The following TRMT9B variants were observed in gnomAD, a reference collection of about 807,000 sequenced individuals.
TRMT9B encodes the protein tRNA methyltransferase 9B (putative).
In TRMT9B, 16 loss-of-function variants were observed where a neutral mutation model predicts 11.5. The observed-to-expected ratio is 1.39, with a 90% CI of 0.94 to 2.11. The LOEUF (loss-of-function observed/expected upper bound fraction) is 2.11, where lower values mean the gene tolerates loss of function less well. Among genes scored for constraint, TRMT9B ranks in the 30% most tolerant of loss-of-function variants. The probability of loss-of-function intolerance (pLI) is 0.00; values close to 1 mark genes in which losing one functional copy is unlikely to be tolerated. For synonymous variants in TRMT9B, 274 were observed against 192.4 expected, an observed-to-expected ratio of 1.42 and a Z score of -3.51; for missense variants, 941 against 553.8, an observed-to-expected ratio of 1.70 and a Z score of -7.02.
intron 3 of TRMT9B, among the ~76,000 whole-genome samples, chr8:13,008,050 G>A (rs1264244366): frequency 6.6e-6 from 1 of 152,064 alleles, no homozygotes; most frequent in Non-Finnish European, 1.5e-5. Flanking sequence ...TGTTTTTAGG[G>A]GAAATGTTGG....
At chr8:13,013,011 T>C (rs2128895149) in intron 4 of TRMT9B, among the ~76,000 whole-genome samples, 154 bp downstream of exon 4, 1 of 152,378 alleles carries the variant, frequency 6.6e-6, no homozygotes, top group South Asian at 2.1e-4. Flanking sequence ...TTGACTGATT[T>C]GACTTAACTC....
intron 2 of TRMT9B, among the ~76,000 whole-genome samples, chr8:12,993,935 G>C (rs1807859443): frequency 6.6e-6 from 1 of 152,192 alleles, no homozygotes. Context: ...ACTAAACCTC[G>C]GGAAAGTTAC....
chr8:12,949,396 T>G (rs1401747322), intron 1 of TRMT9B, among the ~76,000 whole-genome samples: 1 of 152,218 alleles, frequency 6.6e-6, no homozygotes, highest in African/African-American at 2.4e-5. Context: ...TGCTGAGATG[T>G]GAAAGTGAAA....
rs1186267988 is a variant in TRMT9B at position 13,021,232 on chromosome 8, G to C, written c.553G>C (p.Glu185Gln). ...SGRKRQCGYP[E>Q]RGHPYHPPCS... ...GAGGAAGAGGCAGTGTGGATACCCA[G>C]AAAGAGGCCATCCCTACCATCCTCC... The change falls in exon 5 of 5, where the codon GAA becomes CAA. Residue 185 changes from glutamate (E) to glutamine (Q), a missense_variant. Coordinates refer to ENST00000524591, the MANE Select transcript of TRMT9B (RefSeq NM_020844.3). 2 of 1,613,786 alleles carry C rather than the reference G, an allele frequency of 1.2e-6. No homozygotes were observed. The highest frequency in any genetic ancestry group is 1.1e-5 in the South Asian group (1 of 91,062).
intron 1 of TRMT9B, among the ~76,000 whole-genome samples, chr8:12,953,389 G>A (rs770425415): frequency 3.9e-5 from 6 of 151,908 alleles, no homozygotes; most frequent in African/African-American, 1.5e-4. Flanking sequence ...TCACTCTATC[G>A]CCTAGGCTGG....
At chr8:12,987,444 A>G (rs775988308) in intron 1 of TRMT9B, among the ~76,000 whole-genome samples, 2 of 152,284 alleles carry the variant, frequency 1.3e-5, no homozygotes, top group Non-Finnish European at 2.9e-5. Flanking sequence ...TAATCCCAGC[A>G]TTTCAGGAGG....
At chr8:13,018,809 A>G (rs1252610420) in intron 4 of TRMT9B, among the ~76,000 whole-genome samples, 7 of 152,196 alleles carry the variant, frequency 4.6e-5, no homozygotes. Flanking sequence ...TATTTTCTCC[A>G]TAAGGTGCAT....
intron 4 of TRMT9B, among the ~76,000 whole-genome samples, chr8:13,019,323 A>ACT (rs1434712419): frequency 2.0e-5 from 3 of 152,094 alleles, no homozygotes; most frequent in Non-Finnish European, 4.4e-5. Context: ...ACAGCGTCTC[A>ACT]CTCTGTTGGC....
chr8:12,959,218 C>G (rs1801717839), intron 1 of TRMT9B, among the ~76,000 whole-genome samples: 1 of 152,022 alleles, frequency 6.6e-6, no homozygotes, highest in African/African-American at 2.4e-5. Flanking sequence ...CCTGAAAATC[C>G]AAAATTTGAA....
At position 13,026,882 on chromosome 8, in the gene TRMT9B, G is replaced by T. The variant is rs1473325169; in HGVS notation, c.*4838G>T. On this transcript the variant is annotated 3_prime_UTR_variant, in exon 5 of 5. Coordinates refer to ENST00000524591, the MANE Select transcript of TRMT9B (RefSeq NM_020844.3). ...TTATCCCCTTTCCAAATGAGCTTTGGAAAAGTTTAAGCAAAGATTACACAG... is the reference window on the plus strand; with the variant it reads ...TTATCCCCTTTCCAAATGAGCTTTGTAAAAGTTTAAGCAAAGATTACACAG... The T allele has an allele frequency of 6.0e-6, 1 of 166,998 alleles. No homozygotes were observed. Among genetic ancestry groups the T allele is most frequent in the African/African-American group, 2.4e-5 (1 of 41,414 alleles). The allele number at this position is 166,998 out of a possible 1,614,324, so 10.3% of individuals were successfully genotyped here.
chr8:13,006,484 C>G (rs1037464185), intron 3 of TRMT9B, 128 bp downstream of exon 3: 2 of 1,542,506 alleles, frequency 1.3e-6, no homozygotes, highest in South Asian at 1.3e-5. Context: ...TAACCCAGCA[C>G]TGGGCCGTGT....
intron 1 of TRMT9B, among the ~76,000 whole-genome samples, chr8:12,984,914 G>A (rs1025080421): frequency 1.3e-5 from 2 of 149,474 alleles, no homozygotes; most frequent in Non-Finnish European, 3.0e-5. Flanking sequence ...TCTCTTTTCC[G>A]AATTTTTGCA....
At chr8:12,982,931 C>T (rs1232459590) in intron 1 of TRMT9B, among the ~76,000 whole-genome samples, 2 of 152,142 alleles carry the variant, frequency 1.3e-5, no homozygotes, top group African/African-American at 2.4e-5. Context: ...TCCTCGCATG[C>T]CCAGATTTCC....
chr8:13,010,294 C>T (rs895724130), intron 3 of TRMT9B: 26 of 936,372 alleles, frequency 2.8e-5, no homozygotes, highest in Non-Finnish European at 3.2e-5. Context: ...GTCATATTTT[C>T]ATTGCAAAAT....
intron 1 of TRMT9B, among the ~76,000 whole-genome samples, chr8:12,956,193 CTTG>C: frequency 6.6e-6 from 1 of 152,278 alleles, no homozygotes; most frequent in South Asian, 2.1e-4. Context: ...GGGATGCACA[CTTG>C]AAGGAGATAG....
intron 1 of TRMT9B, among the ~76,000 whole-genome samples, chr8:12,986,705 G>C (rs143280263): frequency 6.6e-6 from 1 of 152,092 alleles, no homozygotes; most frequent in African/African-American, 2.4e-5. Context: ...GATAGTAGTG[G>C]TACATTGTAC....
chr8:13,010,483 T>C (rs1325003209), intron 3 of TRMT9B: 2 of 984,534 alleles, frequency 2.0e-6, no homozygotes, highest in Non-Finnish European at 2.4e-6. Context: ...GAATAGACAA[T>C]AGTTTGGATT....
chr8:12,950,479 T>G (rs557362522), intron 1 of TRMT9B, among the ~76,000 whole-genome samples: 1 of 151,752 alleles, frequency 6.6e-6, no homozygotes, highest in Non-Finnish European at 1.5e-5. Context: ...AAGGATGAGC[T>G]GCTGCATTTC....
chr8:12,953,030 G>C (rs530258266), intron 1 of TRMT9B, among the ~76,000 whole-genome samples: 9 of 152,280 alleles, frequency 5.9e-5, no homozygotes, highest in African/African-American at 2.2e-4. Flanking sequence ...GAGCCACCGG[G>C]CCCGGCTGAT....
Sources: gnomAD v4.1 joint callset for allele counts (sites outside exome capture counted in the v4.1 genomes callset) on GRCh38, gnomAD v4.1.1 for gene constraint, MANE v1.5 for transcripts, NCBI Gene and HGNC (gene_info 2026-07-23, HGNC 2026-07-21) for gene names.